LSAMP: variants seen among roughly 807,000 people sequenced by gnomAD.
LSAMP encodes limbic system associated membrane protein.
In LSAMP, 7 loss-of-function variants were observed where a neutral mutation model predicts 38.6. The observed-to-expected ratio is 0.18, with a 90% CI of 0.10 to 0.34. The LOEUF (loss-of-function observed/expected upper bound fraction) is 0.34, where lower values mean the gene tolerates loss of function less well. Among genes scored for constraint, LSAMP ranks in the 10% least tolerant of loss-of-function variants. The pLI, the probability that LSAMP is intolerant of heterozygous loss-of-function variation, is 1.00. For missense variants in LSAMP, 313 were observed against 420.0 expected (o/e 0.75, Z 2.23); for synonymous variants, 154 against 166.8 (o/e 0.92, Z 0.59).
intron 2 of LSAMP, among the ~76,000 whole-genome samples, chr3:116,055,201 G>A (rs1420434128): frequency 6.6e-6 from 1 of 152,168 alleles, no homozygotes; most frequent in African/African-American, 2.4e-5. Context: ...GATTGCCTAT[G>A]TGAAAGCCCT....
chr3:115,955,581 A>G (rs1938429157), intron 3 of LSAMP, among the ~76,000 whole-genome samples: 1 of 151,818 alleles, frequency 6.6e-6, no homozygotes. Context: ...GGAGACAGGT[A>G]TTTAAACAAG....
chr3:116,409,066 G>C (rs2107836115), intron 1 of LSAMP, among the ~76,000 whole-genome samples: 1 of 152,168 alleles, frequency 6.6e-6, no homozygotes, highest in South Asian at 2.1e-4. Context: ...TGCCTGGGAG[G>C]GGTGTTGGGA....
chr3:116,072,751 GGTT>G (rs1289271658), intron 2 of LSAMP, among the ~76,000 whole-genome samples: 2 of 118,706 alleles, frequency 1.7e-5, no homozygotes, highest in Admixed American at 8.6e-5. Flanking sequence ...GGTTGTTTGT[GGTT>G]TTTTTTTTTT....
At chr3:115,992,553 G>T (rs1939701648) in intron 3 of LSAMP, among the ~76,000 whole-genome samples, 1 of 151,860 alleles carries the variant, frequency 6.6e-6, no homozygotes, top group African/African-American at 2.4e-5. Flanking sequence ...AAACCACAGA[G>T]TCAAATCTTC....
At chr3:116,320,978 C>T (rs901518863) in intron 1 of LSAMP, among the ~76,000 whole-genome samples, 20 of 152,154 alleles carry the variant, frequency 1.3e-4, no homozygotes, top group Non-Finnish European at 2.8e-4. Context: ...GTCCCTTACC[C>T]CTTTCAGTGG....
chr3:115,831,426 G>A (rs76505517), intron 6 of LSAMP, among the ~76,000 whole-genome samples: 7,422 of 152,200 alleles, frequency 0.049, 219 homozygotes, highest in African/African-American at 0.078. Context: ...CCTTGTCTTT[G>A]CCCCTTGTTT....
chr3:116,208,795 C>G (rs1209589552), intron 1 of LSAMP, among the ~76,000 whole-genome samples: 1 of 152,186 alleles, frequency 6.6e-6, no homozygotes, highest in Non-Finnish European at 1.5e-5. Context: ...AACCACTGCT[C>G]TCTTCAGAGC....
chr3:115,965,677 G>C (rs1480859735), intron 3 of LSAMP, among the ~76,000 whole-genome samples: 1 of 145,040 alleles, frequency 6.9e-6, no homozygotes, highest in Admixed American at 6.9e-5. Flanking sequence ...AACTCTTAAA[G>C]TCCAAAAAAG....
intron 1 of LSAMP, among the ~76,000 whole-genome samples, chr3:116,115,440 A>C (rs1193501484): frequency 6.6e-6 from 1 of 152,230 alleles, no homozygotes; most frequent in Non-Finnish European, 1.5e-5. Flanking sequence ...AATGGAATCT[A>C]GTCTGTCCTG....
chr3:116,192,002 GA>G (rs1710765108), intron 1 of LSAMP, among the ~76,000 whole-genome samples: 1 of 148,694 alleles, frequency 6.7e-6, no homozygotes, highest in Non-Finnish European at 1.5e-5. Context: ...ATATCTGTCT[GA>G]ATTTCTGAAT....
At chr3:116,242,204 A>T (rs915992730) in intron 1 of LSAMP, among the ~76,000 whole-genome samples, 3 of 152,236 alleles carry the variant, frequency 2.0e-5, no homozygotes, top group African/African-American at 7.2e-5. Flanking sequence ...TCACAGAAAG[A>T]AGGGAAAAAT....
At chr3:116,298,976 G>T (rs2047371656) in intron 1 of LSAMP, among the ~76,000 whole-genome samples, 2 of 152,106 alleles carry the variant, frequency 1.3e-5, no homozygotes, top group African/African-American at 4.8e-5. Context: ...GTGGGGAGTG[G>T]GAAAGAGAAT....
At chr3:116,057,967 A>ACACACACC (rs1553699987) in intron 2 of LSAMP, among the ~76,000 whole-genome samples, 2,345 of 147,484 alleles carry the variant, frequency 0.016, 43 homozygotes, top group African/African-American at 0.034. Context: ...CCACACACAC[A>ACACACACC]CACACACACA....
intron 1 of LSAMP, among the ~76,000 whole-genome samples, chr3:116,317,649 C>G (rs1407203234): frequency 6.6e-6 from 1 of 151,824 alleles, no homozygotes; most frequent in Non-Finnish European, 1.5e-5. Context: ...GCCCCCGCGC[C>G]CGGCCCCAAA....
intron 1 of LSAMP, among the ~76,000 whole-genome samples, chr3:116,248,631 G>A (rs573911542): frequency 3.9e-5 from 6 of 152,132 alleles, no homozygotes; most frequent in South Asian, 2.1e-4. Flanking sequence ...GAGGCAGGCA[G>A]TATTCTCCAC....
chr3:115,894,176 AG>A lies in LSAMP; in HGVS notation c.515-41560del, dbSNP rs1267491442. On this transcript the variant is annotated intron_variant, in intron 3 of 6. Coordinates refer to ENST00000490035, the MANE Select transcript of LSAMP (RefSeq NM_002338.5). ...CTGTCTTCTAGCCTGGTTGGACAAA[AG>A]TCTATGGTGCACCTATTTTCATCCA... 2.0e-5 allele frequency among the ~76,000 whole-genome samples: 3 copies of A among 152,152 alleles called. No homozygotes were observed. The East Asian group carries it at 5.8e-4, about 29-fold the overall frequency.
chr3:115,987,399 G>A (rs1234162919), intron 3 of LSAMP, among the ~76,000 whole-genome samples: 1 of 152,158 alleles, frequency 6.6e-6, no homozygotes, highest in African/African-American at 2.4e-5. Flanking sequence ...AGTTAGAGAA[G>A]AATGATACAT....
intron 2 of LSAMP, among the ~76,000 whole-genome samples, chr3:116,036,618 T>G (rs984612607): frequency 2.6e-5 from 4 of 152,218 alleles, no homozygotes; most frequent in African/African-American, 4.8e-5. Flanking sequence ...TATAAGTCAC[T>G]GAGCCTGGAA....
intron 1 of LSAMP, among the ~76,000 whole-genome samples, chr3:116,206,204 G>A (rs1443065673): frequency 6.7e-6 from 1 of 148,336 alleles, no homozygotes. Context: ...GGTGTTTGTA[G>A]TATTCTCTGA....
Sources: gnomAD v4.1 joint callset for allele counts (sites outside exome capture counted in the v4.1 genomes callset) on GRCh38, gnomAD v4.1.1 for gene constraint, MANE v1.5 for transcripts, NCBI Gene and HGNC (gene_info 2026-07-23, HGNC 2026-07-21) for gene names.